Variants in ADK observed in about 807,000 individuals in gnomAD.
ADK encodes the protein N6,N6-dimethyladenosine kinase.
A neutral mutation model predicts 44.7 loss-of-function variants in ADK; 24 were observed. The ratio of observed to expected loss-of-function variants is 0.54; its 90% CI spans 0.39 to 0.76. ADK has a LOEUF of 0.76. ADK is among the 30% of genes least tolerant of loss of function. The pLI is 0.00. For missense variants in ADK, 321 were observed against 425.1 expected, an observed-to-expected ratio of 0.76 and a Z score of 2.15; for synonymous variants, 128 against 142.6, an observed-to-expected ratio of 0.90 and a Z score of 0.73.
In ADK at chr10:74,591,378, T is replaced by G. The variant is rs1851710954; in HGVS notation, c.762+2061T>G. 3.3e-5 allele frequency among the ~76,000 whole-genome samples: 5 copies of G among 152,206 alleles called. No homozygotes were observed. The South Asian group carries it at 1.0e-3, about 31-fold the overall frequency. ...TGTCAGTGATATTGACAGTGATATG[T>G]TAGACTAAATAAAGCACATAGTGTC... On this transcript the variant is annotated intron_variant, in intron 8 of 10. Transcript: ENST00000539909.
At chr10:74,523,690 C>T (rs978780055) in intron 6 of ADK, among the ~76,000 whole-genome samples, 1 of 152,156 alleles carries the variant, frequency 6.6e-6, no homozygotes, top group African/African-American at 2.4e-5. Flanking sequence ...ACCATCTAAG[C>T]CAGATCTTAT....
At chr10:74,570,115 T>G (rs920982352) in intron 7 of ADK, among the ~76,000 whole-genome samples, 10 of 152,042 alleles carry the variant, frequency 6.6e-5, no homozygotes, top group African/African-American at 1.5e-4. Flanking sequence ...AGGGCTCTGT[T>G]CTGTTCCATT....
At chr10:74,272,938 C>A (rs1408021686) in intron 3 of ADK, among the ~76,000 whole-genome samples, 10 of 152,174 alleles carry the variant, frequency 6.6e-5, no homozygotes. Context: ...GCTGCAGATG[C>A]TTGGGCTTTT....
chr10:74,327,297 T>C (rs989169793), intron 4 of ADK, among the ~76,000 whole-genome samples: 1 of 152,238 alleles, frequency 6.6e-6, no homozygotes, highest in Non-Finnish European at 1.5e-5. Flanking sequence ...TCCATGTATT[T>C]GTAGAGTTTT....
At chr10:74,440,696 A>T (rs1845375195) in intron 6 of ADK, among the ~76,000 whole-genome samples, 1 of 152,132 alleles carries the variant, frequency 6.6e-6, no homozygotes, top group African/African-American at 2.4e-5. Flanking sequence ...TAAACTTGGG[A>T]TTGGAAAATT....
chr10:74,284,241 T>G (rs1425544227), intron 3 of ADK, among the ~76,000 whole-genome samples: 1 of 151,088 alleles, frequency 6.6e-6, no homozygotes, highest in Non-Finnish European at 1.5e-5. Context: ...ATTACAGGCA[T>G]GAGCCACCAC....
chr10:74,176,975 C>G, intron 1 of ADK: 1 of 1,553,642 alleles, frequency 6.4e-7, no homozygotes, highest in Non-Finnish European at 8.7e-7. Context: ...CGCGGGTGGT[C>G]TGGAGCCTGC....
chr10:74,517,360 A>G (rs1848626710), intron 6 of ADK, among the ~76,000 whole-genome samples: 1 of 152,084 alleles, frequency 6.6e-6, no homozygotes, highest in Non-Finnish European at 1.5e-5. Flanking sequence ...TTCATTTATA[A>G]CATACCTGAA....
chr10:74,687,907 A>G (rs1213347300), intron 10 of ADK, among the ~76,000 whole-genome samples: 1 of 152,170 alleles, frequency 6.6e-6, no homozygotes, highest in African/African-American at 2.4e-5. Context: ...CATTTTCTGT[A>G]TAATAGCCAA....
At chr10:74,220,097 G>C (rs1483527345) in intron 2 of ADK, among the ~76,000 whole-genome samples, 1 of 151,710 alleles carries the variant, frequency 6.6e-6, no homozygotes, top group Non-Finnish European at 1.5e-5. Flanking sequence ...TTTTTGAAAG[G>C]ATCAACAAAA....
chr10:74,451,156 AT>A (rs200300333), intron 6 of ADK, among the ~76,000 whole-genome samples: 5 of 118,976 alleles, frequency 4.2e-5, no homozygotes, highest in South Asian at 2.7e-4. Flanking sequence ...TTATTTCATG[AT>A]TTTTTTTTCA....
At chr10:74,220,289 T>G (rs1054682470) in intron 2 of ADK, among the ~76,000 whole-genome samples, 1 of 152,110 alleles carries the variant, frequency 6.6e-6, no homozygotes, top group African/African-American at 2.4e-5. Flanking sequence ...ATAAATTCCT[T>G]GATACATACA....
chr10:74,470,580 T>TCCTCAC (rs1173993030), intron 6 of ADK, among the ~76,000 whole-genome samples: 5 of 150,782 alleles, frequency 3.3e-5, no homozygotes, highest in South Asian at 2.1e-4. Context: ...TTTCTCCACA[T>TCCTCAC]TCTGTATCTT....
At chr10:74,664,276 C>T (rs1354835692) in intron 9 of ADK, among the ~76,000 whole-genome samples, 5 of 151,860 alleles carry the variant, frequency 3.3e-5, no homozygotes, top group Non-Finnish European at 7.4e-5. Context: ...TCCAGAGTAG[C>T]CTAGATAGTA....
In ADK at chr10:74,600,369, C is replaced by G. The variant is rs553469975; in HGVS notation, c.763-10C>G. 3.8e-6 allele frequency: 6 copies of G among 1,583,464 alleles called. No individual in the cohort carries two copies. Among genetic ancestry groups the G allele is most frequent in the Non-Finnish European group, 5.2e-6 (6 of 1,156,958 alleles). On this transcript the variant is annotated splice_polypyrimidine_tract_variant and intron_variant, in intron 8 of 10. Transcript: ENST00000539909. ...GGTCATGAGAATTTTTTCCTTCCTT[C>G]TATTAATAGACTAAAGACATTAAAG...
At chr10:74,339,051 C>T (rs1213470720) in intron 4 of ADK, among the ~76,000 whole-genome samples, 2 of 152,192 alleles carry the variant, frequency 1.3e-5, no homozygotes, top group Non-Finnish European at 2.9e-5. Flanking sequence ...CACCTGGGCT[C>T]AAGGGATTCT....
At chr10:74,458,146 T>TGGGG (rs1319327365) in intron 6 of ADK, among the ~76,000 whole-genome samples, 1 of 106,330 alleles carries the variant, frequency 9.4e-6, no homozygotes, top group Non-Finnish European at 1.8e-5. Flanking sequence ...TTTTTTTTTT[T>TGGGG]GGGGGGAGAA....
intron 7 of ADK, among the ~76,000 whole-genome samples, chr10:74,576,155 A>G (rs1002249763): frequency 6.6e-6 from 1 of 152,200 alleles, no homozygotes; most frequent in Admixed American, 6.5e-5. Context: ...TAGGGAATGT[A>G]GCAAATAAGA....
intron 4 of ADK, among the ~76,000 whole-genome samples, chr10:74,354,161 A>G (rs1842059624): frequency 6.6e-6 from 1 of 152,220 alleles, no homozygotes; most frequent in South Asian, 2.1e-4. Context: ...GTTGTGTGTA[A>G]GAATAGGAGA....
Sources: gnomAD v4.1 joint callset for allele counts (sites outside exome capture counted in the v4.1 genomes callset) on GRCh38, gnomAD v4.1.1 for gene constraint, MANE v1.5 for transcripts, NCBI Gene and HGNC (gene_info 2026-07-23, HGNC 2026-07-21) for gene names.